The following NKD1 variants were observed in gnomAD, a reference collection of about 807,000 sequenced individuals.
NKD1 encodes protein naked cuticle homolog 1.
NKD1 carries 21 observed loss-of-function variants against 56.0 expected under a neutral mutation model. That is an observed-to-expected ratio of 0.38 (90% CI 0.27 to 0.54). The LOEUF is 0.54. Among genes scored for constraint, NKD1 ranks in the 20% least tolerant of loss-of-function variants. The pLI, the probability that NKD1 is intolerant of heterozygous loss-of-function variation, is 0.82. For synonymous variants in NKD1, 263 were observed against 265.7 expected, an observed-to-expected ratio of 0.99 and a Z score of 0.10; for missense variants, 578 against 642.7, an observed-to-expected ratio of 0.90 and a Z score of 1.09.
At chr16:50,570,528 T>C (rs1285528047) in intron 3 of NKD1, among the ~76,000 whole-genome samples, 1 of 152,240 alleles carries the variant, frequency 6.6e-6, no homozygotes, top group Non-Finnish European at 1.5e-5. Flanking sequence ...TTACTAGCTG[T>C]GTGACCTTTG....
chr16:50,596,193 G>A (rs974889467), intron 3 of NKD1, among the ~76,000 whole-genome samples: 5 of 152,136 alleles, frequency 3.3e-5, no homozygotes, highest in African/African-American at 1.2e-4. Flanking sequence ...AGGGAGCAAT[G>A]GGGTCTGGGT....
chr16:50,577,754 C>T (rs1019393519), intron 3 of NKD1, among the ~76,000 whole-genome samples: 2 of 152,162 alleles, frequency 1.3e-5, no homozygotes, highest in Non-Finnish European at 2.9e-5. Context: ...AATGAGATCA[C>T]GCAGTATTTG....
rs1962731898 is a variant in NKD1, at chr16:50,649,084, C to G, written c.*15303C>G. The G allele has an allele frequency of 6.6e-6, 1 of 152,214 alleles. No individual in the cohort carries two copies. Among genetic ancestry groups the G allele is most frequent in the African/African-American group, 2.4e-5 (1 of 41,444 alleles). 9.4% of individuals were successfully genotyped at this position (152,214 alleles called of 1,614,324 possible). ...TGAAATTGCTTTCCTGATAGCAAAC[C>G]TGTTGGATTTTCTCCAGAATCCCTG... On this transcript the variant is annotated 3_prime_UTR_variant, in exon 10 of 10. Transcript: ENST00000268459.
chr16:50,620,656 CTCTA>C (rs545432350), intron 4 of NKD1, among the ~76,000 whole-genome samples: 7 of 152,174 alleles, frequency 4.6e-5, no homozygotes, highest in Non-Finnish European at 1.0e-4. Context: ...ACCCCAGCCC[CTCTA>C]TCTGACAGAG....
At chr16:50,597,039 G>C (rs982559755) in intron 3 of NKD1, among the ~76,000 whole-genome samples, 2 of 152,134 alleles carry the variant, frequency 1.3e-5, no homozygotes, top group Non-Finnish European at 2.9e-5. Flanking sequence ...AAATTGGGTG[G>C]GGCTTTGATG....
At chr16:50,586,466 G>A (rs75214902) in intron 3 of NKD1, among the ~76,000 whole-genome samples, 2,032 of 152,226 alleles carry the variant, frequency 0.013, 39 homozygotes, top group African/African-American at 0.036. Flanking sequence ...GAGGACCACC[G>A]TGAGCCACGT....
At chr16:50,606,726 G>A (rs756458405) in intron 3 of NKD1, 10 of 441,948 alleles carry the variant, frequency 2.3e-5, no homozygotes, top group Non-Finnish European at 4.2e-5. Context: ...CAGGGTGGCA[G>A]GCGCAGAGCC....
At chr16:50,593,886 G>T (rs893924714) in intron 3 of NKD1, among the ~76,000 whole-genome samples, 1 of 152,094 alleles carries the variant, frequency 6.6e-6, no homozygotes, top group East Asian at 1.9e-4. Flanking sequence ...CTAGAAAGCC[G>T]CCAGGGAAAA....
At chr16:50,562,894 CTG>C (rs1960665686) in intron 3 of NKD1, among the ~76,000 whole-genome samples, 1 of 147,744 alleles carries the variant, frequency 6.8e-6, no homozygotes, top group Non-Finnish European at 1.5e-5. Flanking sequence ...ATCCCCATAA[CTG>C]TGGCTGCTTA....
intron 3 of NKD1, among the ~76,000 whole-genome samples, chr16:50,559,179 G>A (rs936169195): frequency 6.6e-6 from 1 of 152,128 alleles, no homozygotes; most frequent in Non-Finnish European, 1.5e-5. Context: ...GGTAGAAATG[G>A]GTTCATTTCA....
At chr16:50,614,411 CAT>C (rs1163076507) in intron 4 of NKD1, among the ~76,000 whole-genome samples, 1 of 152,150 alleles carries the variant, frequency 6.6e-6, no homozygotes, top group African/African-American at 2.4e-5. Flanking sequence ...CATTCACACA[CAT>C]GTCTCGCTCG....
intron 3 of NKD1, among the ~76,000 whole-genome samples, chr16:50,565,289 G>A (rs1368725002): frequency 6.6e-6 from 1 of 151,650 alleles, no homozygotes; most frequent in African/African-American, 2.4e-5. Flanking sequence ...GGAGAATGGT[G>A]TGAACACGGG....
intron 3 of NKD1, among the ~76,000 whole-genome samples, chr16:50,586,210 T>G (rs1350344021): frequency 2.6e-5 from 4 of 152,152 alleles, no homozygotes; most frequent in African/African-American, 9.7e-5. Context: ...CATTTTCACC[T>G]CGTTCTTCTG....
At chr16:50,595,569 C>G (rs1222939887) in intron 3 of NKD1, among the ~76,000 whole-genome samples, 2 of 152,130 alleles carry the variant, frequency 1.3e-5, no homozygotes, top group African/African-American at 4.8e-5. Context: ...CGGGAGTGCT[C>G]CGTTTCTCCC....
chr16:50,567,003 T>TG (rs1960773165), intron 3 of NKD1, among the ~76,000 whole-genome samples: 1 of 146,922 alleles, frequency 6.8e-6, no homozygotes. Context: ...TTAGTTTTTA[T>TG]GGCCCCCCCC....
intron 3 of NKD1, chr16:50,575,203 C>T (rs1960967589): frequency 2.2e-5 from 22 of 985,248 alleles, no homozygotes; most frequent in Non-Finnish European, 2.7e-5. Flanking sequence ...AGGAAACTTG[C>T]TCAGATCAAG....
At chr16:50,617,894 C>G (rs1396981154) in intron 4 of NKD1, among the ~76,000 whole-genome samples, 1 of 152,218 alleles carries the variant, frequency 6.6e-6, no homozygotes, top group South Asian at 2.1e-4. Context: ...AAGCAGCAAT[C>G]AATCCACAGA....
At position 50,621,609 on chromosome 16, in the gene NKD1, G is replaced by T; in HGVS notation, c.267G>T (p.Leu89=). 6.2e-7 allele frequency: 1 copy of T among 1,613,420 alleles called. No homozygotes were observed. The highest frequency in any genetic ancestry group is 8.5e-7 in the Non-Finnish European group (1 of 1,179,538). ...EEDDFRLEVA[L]PPEKTDGLGS... is the part of the protein sequence containing the mutation. Reference sequence around the variant, plus strand: ...CGCCTGCCTCCCCGACAGTGGCCCTGCCTCCTGAGAAGACTGACGGGCTGG... The same window carrying T: ...CGCCTGCCTCCCCGACAGTGGCCCTTCCTCCTGAGAAGACTGACGGGCTGG... Residue 89 remains leucine (L), a synonymous_variant, in exon 5 of 10, where the codon CTG becomes CTT. Coordinates refer to ENST00000268459, the MANE Select transcript of NKD1 (RefSeq NM_033119.5).
chr16:50,621,131 C>G (rs977347209), intron 4 of NKD1, among the ~76,000 whole-genome samples: 8 of 152,276 alleles, frequency 5.3e-5, no homozygotes, highest in African/African-American at 1.9e-4. Flanking sequence ...GTTTCTGGCA[C>G]TCCTCCTGGC....
Sources: gnomAD v4.1 joint callset for allele counts (sites outside exome capture counted in the v4.1 genomes callset) on GRCh38, gnomAD v4.1.1 for gene constraint, MANE v1.5 for transcripts, NCBI Gene and HGNC (gene_info 2026-07-23, HGNC 2026-07-21) for gene names.